The following ITGA6 variants were observed in gnomAD, a reference collection of about 807,000 sequenced individuals.
ITGA6 encodes integrin subunit alpha 6, also known as integrin alpha-6.
ITGA6 carries 63 observed loss-of-function variants against 133.6 expected under a neutral mutation model. The observed-to-expected ratio is 0.47, with a 90% CI of 0.38 to 0.58. The LOEUF (loss-of-function observed/expected upper bound fraction) is 0.58, where lower values mean the gene tolerates loss of function less well. Ranked by LOEUF, ITGA6 falls within the 20% of genes least tolerant of loss-of-function variation. The probability of loss-of-function intolerance (pLI) is 0.00; values close to 1 mark genes in which losing one functional copy is unlikely to be tolerated. For synonymous variants in ITGA6, 434 were observed against 482.0 expected, an observed-to-expected ratio of 0.90 and a Z score of 1.30; for missense variants, 1,068 against 1,309.4, an observed-to-expected ratio of 0.82 and a Z score of 2.85.
intron 5 of ITGA6, among the ~76,000 whole-genome samples, chr2:172,473,412 A>T (rs1170358215): frequency 6.6e-6 from 1 of 152,184 alleles, no homozygotes; most frequent in Non-Finnish European, 1.5e-5. Flanking sequence ...CTCAAATACC[A>T]TGTATCATCA....
intron 1 of ITGA6, chr2:172,465,126 T>G: frequency 7.6e-6 from 2 of 264,480 alleles, no homozygotes; most frequent in African/African-American, 2.2e-5. Flanking sequence ...TATTATTGCT[T>G]ATTACATTTA....
Position 172,487,573 on chromosome 2 carries a change from C to G in ITGA6, c.2187C>G (p.Asn729Lys). ...AGAAACAGTTGAGTTGTGTTGCCAA[C>G]CAGAATGGCTCGCAAGCTGACTGTG... ...FPEKQLSCVA[N>K]QNGSQADCEL... The change falls in exon 16 of 26, where the codon AAC becomes AAG. Residue 729 changes from asparagine to lysine, a missense_variant. Physicochemically the swap from Asn to Lys is moderately conservative, Grantham distance 94. Around this residue, in one of 3 missense-constraint regions of ITGA6, gnomAD observed 609 missense variants for 707.2 expected, o/e 0.86. Coordinates refer to ENST00000684293, the MANE Select transcript of ITGA6 (RefSeq NM_000210.4). 6.2e-7 allele frequency: 1 copy of G among 1,614,146 alleles called. No individual in the cohort carries two copies. The highest frequency in any genetic ancestry group is 8.5e-7 in the Non-Finnish European group (1 of 1,180,004).
rs536896167 is a variant in ITGA6 at position 172,502,001 on chromosome 2, G to A, written c.*22+100G>A. Reference sequence around the variant, plus strand: ...GCTTGCTATGTGTGTCCCATTAACAGATGTTTCCAAATGTCCACACTGGCT... The same window carrying A: ...GCTTGCTATGTGTGTCCCATTAACAAATGTTTCCAAATGTCCACACTGGCT... On this transcript the variant is annotated intron_variant, in intron 25 of 25. Coordinates refer to ENST00000684293, the MANE Select transcript of ITGA6 (RefSeq NM_000210.4). The A allele has an allele frequency of 1.6e-4, 172 of 1,053,996 alleles. No individual in the cohort carries two copies. The African/African-American group carries it at 2.6e-3, about 16-fold the overall frequency. 65.3% of individuals were successfully genotyped at this position (1,053,996 alleles called of 1,614,324 possible). A position where few individuals can be genotyped will look rare whatever the true frequency, so the allele number is the denominator to read the frequency against.
chr2:172,464,393 T>G (rs781065018), intron 1 of ITGA6: 3 of 152,328 alleles, frequency 2.0e-5, no homozygotes, highest in Admixed American at 6.5e-5. Context: ...AGTGGCTTGT[T>G]TTCTGTTGTA....
At chr2:172,489,441 A>T (rs764967710) in intron 19 of ITGA6, 44 bp from the exon 20 acceptor site, 1 of 1,459,112 alleles carries the variant, frequency 6.9e-7, no homozygotes. Context: ...TTAAATTTAC[A>T]TTGAGAAGAT....
intron 8 of ITGA6, among the ~76,000 whole-genome samples, chr2:172,476,144 A>G (rs1053901193): frequency 6.6e-6 from 1 of 152,214 alleles, no homozygotes; most frequent in Non-Finnish European, 1.5e-5. Flanking sequence ...TTGACTTAAT[A>G]CAATAAACAA....
intron 1 of ITGA6, among the ~76,000 whole-genome samples, chr2:172,433,492 T>C (rs987297045): frequency 6.6e-6 from 1 of 152,204 alleles, no homozygotes; most frequent in Non-Finnish European, 1.5e-5. Context: ...ATTCCTAACC[T>C]TCCTAGGCCT....
chr2:172,472,691 GC>G, intron 5 of ITGA6: 10 of 868,814 alleles, frequency 1.2e-5, no homozygotes, highest in Non-Finnish European at 1.9e-5. Context: ...TCCTCATCCA[GC>G]GAGAACAGCA....
At chr2:172,499,114 A>G (rs576522288) in intron 24 of ITGA6, among the ~76,000 whole-genome samples, 14 of 152,298 alleles carry the variant, frequency 9.2e-5, no homozygotes, top group African/African-American at 3.1e-4. Flanking sequence ...AATATAATAC[A>G]TAAGGGTTCA....
intron 9 of ITGA6, among the ~76,000 whole-genome samples, chr2:172,478,744 T>C (rs545977797): frequency 4.6e-5 from 7 of 152,224 alleles, no homozygotes; most frequent in Admixed American, 2.6e-4. Context: ...TGCAGAGATA[T>C]CGTGGGGGTA....
chr2:172,487,501 T>C (rs777962385), intron 15 of ITGA6, 46 bp from the exon 16 acceptor site: 3 of 1,610,654 alleles, frequency 1.9e-6, no homozygotes, highest in Non-Finnish European at 2.5e-6. Context: ...ATCAACACTG[T>C]GTGGCAAATG....
chr2:172,505,202 T>TTAGAAGCCTGCATAA lies in ITGA6; in HGVS notation c.*1136_*1150dup, dbSNP rs1232800422. On this transcript the variant is annotated 3_prime_UTR_variant, in exon 26 of 26. Transcript: ENST00000684293. ...TTTCAGGCATTGGATATTTTTTACT[T>TTAGAAGCCTGCATAA]TAGAAGCCTGCATAATGTTTCTGGA... 1.3e-5 allele frequency: 2 copies of TTAGAAGCCTGCATAA among 152,596 alleles called. No homozygotes were observed. Among genetic ancestry groups the TTAGAAGCCTGCATAA allele is most frequent in the Admixed American group, 1.3e-4 (2 of 15,290 alleles). The allele number at this position is 152,596 out of a possible 1,614,324, so 9.5% of individuals were successfully genotyped here. A position where few individuals can be genotyped will look rare whatever the true frequency, so the allele number is the denominator to read the frequency against.
intron 1 of ITGA6, among the ~76,000 whole-genome samples, chr2:172,464,740 T>G (rs1461653955): frequency 6.6e-6 from 1 of 152,182 alleles, no homozygotes; most frequent in Non-Finnish European, 1.5e-5. Context: ...AGAAGGAATA[T>G]TACAGTGCCT....
chr2:172,427,449 C>T (rs1683884034), upstream of ITGA6: 2 of 1,041,624 alleles, frequency 1.9e-6, no homozygotes, highest in Non-Finnish European at 1.1e-6. Context: ...TACCGGGCAG[C>T]TGGAGACGCC....
chr2:172,481,651 G>A (rs1330968290), intron 11 of ITGA6, among the ~76,000 whole-genome samples: 4 of 152,108 alleles, frequency 2.6e-5, no homozygotes, highest in Non-Finnish European at 5.9e-5. Context: ...CTGTGGGGTC[G>A]TCTCCTGCTG....
upstream of ITGA6, chr2:172,427,473 A>C: frequency 5.7e-6 from 6 of 1,049,450 alleles, no homozygotes; most frequent in Non-Finnish European, 4.6e-6. Context: ...GCCGGCGGGT[A>C]AGGTGCGGGC....
rs1686754945 is a variant in ITGA6, at chr2:172,487,786, A to G, written c.2303A>G (p.Asp768Gly). The G allele has an allele frequency of 1.2e-6, 2 of 1,610,224 alleles. No homozygotes were observed. Among genetic ancestry groups the G allele is most frequent in the African/African-American group, 2.7e-5 (2 of 74,782 alleles). ...TEVTFDTPDLDINLKLETTSN... is the reference protein window; with the variant it reads ...TEVTFDTPDLGINLKLETTSN... ...GTCACCTTTGACACCCCAGATCTGGATATTAATCTGAAGTTAGAAACGTAA... is the reference window on the plus strand; with the variant it reads ...GTCACCTTTGACACCCCAGATCTGGGTATTAATCTGAAGTTAGAAACGTAA... Residue 768 changes from aspartate (D) to glycine (G), a missense_variant, in exon 17 of 26, where the codon GAT (aspartate) becomes GGT (glycine). Physicochemically the swap from Asp to Gly is moderately conservative, Grantham distance 94. Around this residue, in one of 3 missense-constraint regions of ITGA6, gnomAD observed 609 missense variants for 707.2 expected, o/e 0.86. Coordinates refer to ENST00000684293, the MANE Select transcript of ITGA6 (RefSeq NM_000210.4).
rs1230278218 is a variant in ITGA6 at position 172,491,038 on chromosome 2, A to G, written c.2694A>G (p.Ser898=). 6.4e-7 allele frequency: 1 copy of G among 1,573,756 alleles called. No individual in the cohort carries two copies. ...NSLNLTESHN[S]RKKREITEKQ... ...ATTTTTTTCAGGAGTCTCACAACTC[A>G]AGAAAGAAACGGGAAATTACTGAAA... is the stretch of plus-strand genomic sequence containing the variant. The change falls in exon 21 of 26, where the codon TCA becomes TCG. Residue 898 remains serine (S), a synonymous_variant. Coordinates refer to ENST00000684293, the MANE Select transcript of ITGA6 (RefSeq NM_000210.4). The surrounding 1 kb of genome is among the most constrained non-coding windows in gnomAD (Gnocchi z 4.4).
chr2:172,443,373 G>T (rs1170114722), intron 1 of ITGA6, among the ~76,000 whole-genome samples: 2 of 152,212 alleles, frequency 1.3e-5, no homozygotes, highest in Non-Finnish European at 2.9e-5. Context: ...AAGCAGTGCT[G>T]CAGTGAAGAA....
Sources: allele counts gnomAD v4.1 joint callset (sites outside exome capture counted in the v4.1 genomes callset), GRCh38; gene constraint gnomAD v4.1.1; regional missense constraint gnomAD v4.1.1; non-coding constraint Gnocchi (gnomAD v3.1); transcripts MANE v1.5; gene names NCBI Gene and HGNC (gene_info 2026-07-23, HGNC 2026-07-21).